The following FRAS1 variants were observed in gnomAD, a reference collection of about 807,000 sequenced individuals.
FRAS1 encodes Fraser extracellular matrix complex subunit 1, also known as extracellular matrix organizing protein FRAS1.
Under a neutral mutation model 435.2 loss-of-function variants are expected in FRAS1, and 290 were observed. The ratio of observed to expected loss-of-function variants is 0.67; its 90% CI spans 0.61 to 0.73. The LOEUF (loss-of-function observed/expected upper bound fraction) is 0.73. Among genes scored for constraint, FRAS1 ranks in the 30% least tolerant of loss-of-function variants. The pLI, the probability that FRAS1 is intolerant of heterozygous loss-of-function variation, is 0.00. For synonymous variants in FRAS1, 1,800 were observed against 1,851.0 expected (o/e 0.97, Z 0.71); for missense variants, 4,860 against 5,001.5 (o/e 0.97, Z 0.85).
intron 2 of FRAS1, among the ~76,000 whole-genome samples, chr4:78,150,634 G>A (rs9307350): frequency 0.05 from 7,643 of 152,214 alleles, 257 homozygotes; most frequent in Admixed American, 0.084. Context: ...AAGATAGGAC[G>A]GATCACTTTG....
At position 78,282,866 on chromosome 4, in the gene FRAS1, G is replaced by C; in HGVS notation, c.1154G>C (p.Arg385Pro). ...GGCCCTTGCAAGGTGTGTGAGTGCC[G>C]AGGGGCTCAGGTAACTTGCTACGAG... ...EDGPCKVCEC[R>P]GAQVTCYEPS... The change falls in exon 12 of 74, where the codon CGA becomes CCA. Residue 385 changes from arginine (R) to proline (P), a missense_variant. Arg to Pro is a moderately radical substitution (Grantham distance 103). Coordinates refer to ENST00000512123, the MANE Select transcript of FRAS1 (RefSeq NM_025074.7). 1 of 1,612,946 alleles carries C rather than the reference G, an allele frequency of 6.2e-7. No homozygotes were observed.
intron 30 of FRAS1, among the ~76,000 whole-genome samples, chr4:78,406,514 C>T (rs951091120): frequency 1.4e-4 from 21 of 152,088 alleles, no homozygotes; most frequent in African/African-American, 4.8e-4. Flanking sequence ...CATCAGATCT[C>T]GTGAGACTTA....
At chr4:78,459,395 C>T (rs1443808850) in intron 47 of FRAS1, among the ~76,000 whole-genome samples, 1 of 152,210 alleles carries the variant, frequency 6.6e-6, no homozygotes, top group African/African-American at 2.4e-5. Context: ...ATTTGGTACA[C>T]ACATAATTCA....
At chr4:78,178,776 G>A (rs143043534) in intron 2 of FRAS1, among the ~76,000 whole-genome samples, 212 of 152,172 alleles carry the variant, frequency 1.4e-3, no homozygotes, top group African/African-American at 5.0e-3. Context: ...TCCAAATGAG[G>A]GCACATTTTG....
At chr4:78,194,926 G>T (rs954482549) in intron 2 of FRAS1, among the ~76,000 whole-genome samples, 1 of 152,110 alleles carries the variant, frequency 6.6e-6, no homozygotes, top group Non-Finnish European at 1.5e-5. Context: ...GTCTTTGATG[G>T]TGGTGATGTA....
intron 2 of FRAS1, among the ~76,000 whole-genome samples, chr4:78,093,970 C>T (rs1016353330): frequency 6.6e-6 from 1 of 152,124 alleles, no homozygotes; most frequent in Non-Finnish European, 1.5e-5. Context: ...AGCTCACCCC[C>T]CTCCCCTTCC....
chr4:78,475,422 T>C lies in FRAS1; in HGVS notation c.7683-16T>C, dbSNP rs2109854282. ...ATGGGGCATAGTTTAAGAGATGCCT[T>C]TTTGTGTGCTTCCAGCTACAATGTC... On this transcript the variant is annotated splice_polypyrimidine_tract_variant and intron_variant, in intron 53 of 73. Transcript: ENST00000512123. 1.2e-5 allele frequency: 19 copies of C among 1,613,838 alleles called. No individual in the cohort carries two copies. The highest frequency in any genetic ancestry group is 1.5e-5 in the Non-Finnish European group (18 of 1,179,768).
chr4:78,290,461 CT>C (rs34589369), intron 14 of FRAS1, among the ~76,000 whole-genome samples: 52,062 of 144,904 alleles, frequency 0.36, 9,104 homozygotes, highest in Admixed American at 0.4. Flanking sequence ...TTCTTTCTTT[CT>C]TTTTTTTTTT....
intron 47 of FRAS1, among the ~76,000 whole-genome samples, chr4:78,463,300 T>C (rs1238833014): frequency 2.0e-5 from 3 of 152,172 alleles, no homozygotes. Context: ...ATGACTGGAA[T>C]GAAATAAATA....
chr4:78,142,338 A>G (rs1001809173), intron 2 of FRAS1, among the ~76,000 whole-genome samples: 5 of 152,056 alleles, frequency 3.3e-5, no homozygotes, highest in Non-Finnish European at 7.4e-5. Context: ...GCTACCTGCC[A>G]GAAGCAAAAT....
intron 6 of FRAS1, among the ~76,000 whole-genome samples, chr4:78,257,806 A>T (rs968074501): frequency 6.6e-6 from 1 of 152,210 alleles, no homozygotes; most frequent in African/African-American, 2.4e-5. Context: ...TTGTGTTCAT[A>T]TAAGGGGTTA....
intron 6 of FRAS1, among the ~76,000 whole-genome samples, chr4:78,262,489 T>C (rs2110148550): frequency 6.6e-6 from 1 of 152,232 alleles, no homozygotes; most frequent in South Asian, 2.1e-4. Context: ...GAAGAGATGA[T>C]GGTTCTTATT....
chr4:78,168,382 TTTTTTTG>T (rs1313057659), intron 2 of FRAS1, among the ~76,000 whole-genome samples: 1 of 152,120 alleles, frequency 6.6e-6, no homozygotes. Context: ...AAAAGATGTT[TTTTTTTG>T]TTTTTTGTTT....
chr4:78,503,497 G>T (rs898479100), intron 61 of FRAS1, among the ~76,000 whole-genome samples: 3 of 152,188 alleles, frequency 2.0e-5, no homozygotes, highest in Admixed American at 6.5e-5. Context: ...TAGTTTATTT[G>T]CATAGAGGTG....
chr4:78,336,178 T>A (rs61401201), intron 19 of FRAS1, among the ~76,000 whole-genome samples: 23,081 of 152,078 alleles, frequency 0.15, 1,898 homozygotes, highest in Non-Finnish European at 0.17. Flanking sequence ...ATTATATTTG[T>A]TCTGGAATTC....
intron 2 of FRAS1, among the ~76,000 whole-genome samples, chr4:78,121,748 T>A (rs1193788085): frequency 1.3e-5 from 2 of 152,238 alleles, no homozygotes; most frequent in African/African-American, 4.8e-5. Flanking sequence ...ATGTTGTACC[T>A]ATTTAAAGCA....
chr4:78,446,025 C>T, intron 42 of FRAS1: 2 of 1,228,566 alleles, frequency 1.6e-6, no homozygotes, highest in Non-Finnish European at 2.0e-6. Context: ...CTATGTTTCT[C>T]TGAAATTGTG....
chr4:78,091,429 G>A (rs893908592), intron 2 of FRAS1, among the ~76,000 whole-genome samples: 3 of 152,014 alleles, frequency 2.0e-5, no homozygotes, highest in Non-Finnish European at 2.9e-5. Flanking sequence ...TTAAAACTCT[G>A]TGTCACCTCA....
chr4:78,120,719 G>A (rs1718963863), intron 2 of FRAS1, among the ~76,000 whole-genome samples: 1 of 152,150 alleles, frequency 6.6e-6, no homozygotes, highest in African/African-American at 2.4e-5. Flanking sequence ...GACTTTAGGG[G>A]TCTATCCCAT....
Sources: allele counts gnomAD v4.1 joint callset (sites outside exome capture counted in the v4.1 genomes callset), GRCh38; gene constraint gnomAD v4.1.1; transcripts MANE v1.5; gene names NCBI Gene and HGNC (gene_info 2026-07-23, HGNC 2026-07-21).